The following INVS variants were observed in gnomAD, a reference collection of about 807,000 sequenced individuals.
INVS encodes inversin.
Under a neutral mutation model 108.8 loss-of-function variants are expected in INVS, and 86 were observed. The ratio of observed to expected loss-of-function variants is 0.79; its 90% confidence interval spans 0.66 to 0.95. The LOEUF (loss-of-function observed/expected upper bound fraction) is 0.95. Among genes scored for constraint, INVS ranks in the 40% least tolerant of loss-of-function variants. The probability of loss-of-function intolerance (pLI) is 0.00; values close to 1 mark genes in which losing one functional copy is unlikely to be tolerated. For synonymous variants in INVS, 455 were observed against 473.5 expected (o/e 0.96, Z 0.51); for missense variants, 1,169 against 1,297.4 (o/e 0.90, Z 1.52).
At chr9:100,294,112 G>A (rs994360673) in intron 14 of INVS, among the ~76,000 whole-genome samples, 2 of 152,168 alleles carry the variant, frequency 1.3e-5, no homozygotes, top group Non-Finnish European at 2.9e-5. Context: ...AGGCCACAGT[G>A]AGCCATCACC....
At chr9:100,225,219 G>A (rs1011012426) in intron 3 of INVS, among the ~76,000 whole-genome samples, 8 of 151,108 alleles carry the variant, frequency 5.3e-5, no homozygotes, top group African/African-American at 1.7e-4. Context: ...CACCACGCCC[G>A]GCTAATTTTT....
intron 10 of INVS, among the ~76,000 whole-genome samples, chr9:100,261,322 C>G (rs1338330216): frequency 6.7e-6 from 1 of 148,262 alleles, no homozygotes; most frequent in Non-Finnish European, 1.5e-5. Context: ...CTGGAGTGCA[C>G]TGGCCCAGTC....
intron 3 of INVS, among the ~76,000 whole-genome samples, chr9:100,143,984 A>G (rs1828518940): frequency 6.6e-6 from 1 of 152,188 alleles, no homozygotes; most frequent in African/African-American, 2.4e-5. Context: ...AAGATCTGGG[A>G]AGGAGTCACT....
At chr9:100,183,772 C>T (rs545785005) in intron 3 of INVS, among the ~76,000 whole-genome samples, 66 of 104,164 alleles carry the variant, frequency 6.3e-4, no homozygotes, top group Non-Finnish European at 9.6e-4. Flanking sequence ...GCCTGGGCAA[C>T]AGAGTGAAAC....
intron 3 of INVS, among the ~76,000 whole-genome samples, chr9:100,204,126 T>C (rs1830609726): frequency 6.6e-6 from 1 of 152,166 alleles, no homozygotes; most frequent in South Asian, 2.1e-4. Context: ...CCCAGAAAGT[T>C]GTTTTATTCA....
At chr9:100,167,529 C>A (rs1241975403) in intron 3 of INVS, among the ~76,000 whole-genome samples, 1 of 152,140 alleles carries the variant, frequency 6.6e-6, no homozygotes, top group African/African-American at 2.4e-5. Flanking sequence ...CTCAGTGAAC[C>A]CTTTTCTGGC....
intron 4 of INVS, among the ~76,000 whole-genome samples, chr9:100,229,200 A>G (rs1564167154): frequency 6.6e-6 from 1 of 152,208 alleles, no homozygotes; most frequent in Non-Finnish European, 1.5e-5. Context: ...GCTCTTTGGC[A>G]TATCTGAATC....
chr9:100,124,060 C>A (rs765468651), intron 2 of INVS, among the ~76,000 whole-genome samples: 2 of 152,184 alleles, frequency 1.3e-5, no homozygotes, highest in African/African-American at 4.8e-5. Flanking sequence ...CCGCCCACCT[C>A]AGCCTCCCAA....
chr9:100,104,466 G>A, intron 1 of INVS, 32 bp from the exon 2 acceptor site: 1 of 1,174,640 alleles, frequency 8.5e-7, no homozygotes, highest in Admixed American at 1.7e-5. Flanking sequence ...AATGTTTGCT[G>A]CATGCGCTCA....
intron 3 of INVS, among the ~76,000 whole-genome samples, chr9:100,156,419 C>T (rs1032063504): frequency 6.6e-6 from 1 of 151,740 alleles, no homozygotes; most frequent in Non-Finnish European, 1.5e-5. Flanking sequence ...AGTCACTGCA[C>T]CTGGCTATTT....
rs1022623177 is a variant in INVS at position 100,301,074 on chromosome 9, T to C, written c.*400T>C. The C allele has an allele frequency of 2.3e-5, 6 of 262,714 alleles. No homozygotes were observed. The highest frequency in any genetic ancestry group is 3.0e-5 in the Non-Finnish European group (4 of 134,998). The allele number at this position is 262,714 out of a possible 1,614,324, so 16.3% of individuals were successfully genotyped here. On this transcript the variant is annotated 3_prime_UTR_variant, in exon 17 of 17. Coordinates refer to ENST00000262457, the MANE Select transcript of INVS (RefSeq NM_014425.5). Reference sequence around the variant, plus strand: ...TTTCAAGAGATGAACCTAAATGAGATAGGAAGCCTGTCCCATAGCAGCCTT... The same window carrying C: ...TTTCAAGAGATGAACCTAAATGAGACAGGAAGCCTGTCCCATAGCAGCCTT...
chr9:100,172,726 A>G (rs1829580632), intron 3 of INVS, among the ~76,000 whole-genome samples: 1 of 152,232 alleles, frequency 6.6e-6, no homozygotes, highest in South Asian at 2.1e-4. Context: ...AGAGAGTCAG[A>G]TAATACTTGT....
Position 100,292,509 on chromosome 9 carries a change from C to T in INVS, c.2252C>T (p.Ala751Val), listed in dbSNP as rs1196900562. Reference sequence around the variant, plus strand: ...AAGCAGCCCTCCTGTATCAGGGTGGCTGGGCCTGATGAGAAAGGAGAGGAC... The same window carrying T: ...AAGCAGCCCTCCTGTATCAGGGTGGTTGGGCCTGATGAGAAAGGAGAGGAC... ...FVKQPSCIRV[A>V]GPDEKGEDSR... The change falls in exon 14 of 17, where the codon GCT becomes GTT. Residue 751 changes from alanine (A) to valine (V), a missense_variant. This residue lies in a region of INVS where 533 missense variants were observed against 536.0 expected (regional missense o/e 0.99). Coordinates refer to ENST00000262457, the MANE Select transcript of INVS (RefSeq NM_014425.5). 1 of 1,614,002 alleles carries T rather than the reference C, an allele frequency of 6.2e-7. No homozygotes were observed. The highest frequency in any genetic ancestry group is 8.5e-7 in the Non-Finnish European group (1 of 1,180,034).
intron 12 of INVS, among the ~76,000 whole-genome samples, chr9:100,282,390 C>T (rs1284140199): frequency 1.3e-5 from 2 of 152,056 alleles, no homozygotes; most frequent in Non-Finnish European, 2.9e-5. Flanking sequence ...TAGCACGACC[C>T]ATCTGGCCAT....
chr9:100,128,947 A>G (rs559681441), intron 3 of INVS, among the ~76,000 whole-genome samples: 4 of 152,076 alleles, frequency 2.6e-5, no homozygotes, highest in African/African-American at 9.6e-5. Flanking sequence ...CACTTTAGAA[A>G]GGCCAGGCAA....
chr9:100,252,307 G>A lies in INVS; in HGVS notation c.1103G>A (p.Gly368Asp), dbSNP rs766212732. Residue 368 changes from glycine (G) to aspartate (D), a missense_variant, in exon 9 of 17, where the codon GGC (glycine) becomes GAC (aspartate). Physicochemically the swap from Gly to Asp is moderately conservative, Grantham distance 94. Coordinates refer to ENST00000262457, the MANE Select transcript of INVS (RefSeq NM_014425.5). ...GCTTTGCATGCTGCTGCTCTTTCTG[G>A]CCATGTCAGCACCGTGAAGTTATTA... ...GTALHAAALS[G>D]HVSTVKLLLE... 6.2e-7 allele frequency: 1 copy of A among 1,613,936 alleles called. No homozygotes were observed. Among genetic ancestry groups the A allele is most frequent in the South Asian group, 1.1e-5 (1 of 91,070 alleles).
intron 10 of INVS, among the ~76,000 whole-genome samples, chr9:100,257,447 ATTATGATG>A (rs1832458031): frequency 6.6e-6 from 1 of 152,162 alleles, no homozygotes; most frequent in East Asian, 1.9e-4. Flanking sequence ...TGATCCTGTC[ATTATGATG>A]TTAGCTGGTT....
intron 7 of INVS, among the ~76,000 whole-genome samples, chr9:100,245,599 A>T (rs1241972027): frequency 6.6e-6 from 1 of 152,156 alleles, no homozygotes; most frequent in Non-Finnish European, 1.5e-5. Flanking sequence ...TTTTTGTATG[A>T]TTCCATAGAA....
intron 2 of INVS, among the ~76,000 whole-genome samples, chr9:100,109,671 T>G (rs1827281544): frequency 6.6e-6 from 1 of 152,182 alleles, no homozygotes; most frequent in Non-Finnish European, 1.5e-5. Flanking sequence ...GTTTATTTAT[T>G]TATTTATTTT....
Sources: allele counts gnomAD v4.1 joint callset (sites outside exome capture counted in the v4.1 genomes callset), GRCh38; gene constraint gnomAD v4.1.1; regional missense constraint gnomAD v4.1.1; transcripts MANE v1.5; gene names NCBI Gene and HGNC (gene_info 2026-07-23, HGNC 2026-07-21).